C12orf75: variants seen among roughly 807,000 people sequenced by gnomAD.
C12orf75 encodes the protein chromosome 12 open reading frame 75, also known as overexpressed in colon carcinoma 1 protein.
In C12orf75, 4 loss-of-function variants were observed where a neutral mutation model predicts 11.4. The observed-to-expected ratio is 0.35, with a 90% CI of 0.17 to 0.80. The LOEUF is 0.80. C12orf75 is among the 30% of genes least tolerant of loss of function. The probability of loss-of-function intolerance (pLI) is 0.52; values close to 1 mark genes in which losing one functional copy is unlikely to be tolerated. For synonymous variants in C12orf75, 30 were observed against 30.0 expected (o/e 1.00, Z 0.00); for missense variants, 89 against 80.4 (o/e 1.11, Z -0.41).
At chr12:105,333,875 C>A (rs1050717095) in intron 1 of C12orf75, among the ~76,000 whole-genome samples, 1 of 152,160 alleles carries the variant, frequency 6.6e-6, no homozygotes, top group Non-Finnish European at 1.5e-5. Context: ...TTACAATACC[C>A]CTAAATCTGA....
chr12:105,361,224 G>A (rs1348866709), intron 2 of C12orf75, among the ~76,000 whole-genome samples: 3 of 152,126 alleles, frequency 2.0e-5, no homozygotes, highest in Non-Finnish European at 4.4e-5. Flanking sequence ...GTTCTTAGTA[G>A]AGATAAGATC....
At chr12:105,354,214 A>G (rs1456066183) in intron 2 of C12orf75, among the ~76,000 whole-genome samples, 2 of 152,246 alleles carry the variant, frequency 1.3e-5, no homozygotes, top group Non-Finnish European at 2.9e-5. Flanking sequence ...ACTTGTGTTT[A>G]AAATCCCCTT....
intron 1 of C12orf75, among the ~76,000 whole-genome samples, chr12:105,338,983 G>A (rs1892532327): frequency 6.6e-6 from 1 of 152,154 alleles, no homozygotes; most frequent in African/African-American, 2.4e-5. Flanking sequence ...ATAATTTTAT[G>A]TCAATATATA....
chr12:105,337,600 C>T (rs1031909364), intron 1 of C12orf75, among the ~76,000 whole-genome samples: 1 of 152,118 alleles, frequency 6.6e-6, no homozygotes, highest in Non-Finnish European at 1.5e-5. Context: ...CAGGTGGCAT[C>T]TCTTGATCTA....
rs112299200 is a variant in C12orf75, at chr12:105,338,474, A to AT, written c.46+7543dup. Among the ~76,000 whole-genome samples the AT allele has an allele frequency of 7.0e-4, 106 of 152,162 alleles. 1 individual carries two copies. The highest frequency in any genetic ancestry group is 2.4e-3 in the African/African-American group (101 of 41,522). On this transcript the variant is annotated intron_variant, in intron 1 of 5. Coordinates refer to ENST00000443585, the MANE Select transcript of C12orf75 (RefSeq NM_001145199.2). Reference sequence around the variant, plus strand: ...CAGGTGTGAGCCACTGCGCCTGGCCATTTTTTGGTTTTTACTTGCCTAAAG... The same window carrying AT: ...CAGGTGTGAGCCACTGCGCCTGGCCATTTTTTTGGTTTTTACTTGCCTAAAG...
chr12:105,365,972 A>AG, intron 3 of C12orf75, 130 bp downstream of exon 3: 1 of 726,532 alleles, frequency 1.4e-6, no homozygotes, highest in East Asian at 2.7e-5. Context: ...GAATACAGGT[A>AG]GGGGCATATG....
chr12:105,334,622 T>C (rs772496069), intron 1 of C12orf75, among the ~76,000 whole-genome samples: 2 of 152,234 alleles, frequency 1.3e-5, no homozygotes, highest in Non-Finnish European at 2.9e-5. Flanking sequence ...CCCCAAATTA[T>C]GGAGAAACAT....
At chr12:105,370,132 C>T (rs1425232893) in intron 5 of C12orf75, among the ~76,000 whole-genome samples, 1 of 152,168 alleles carries the variant, frequency 6.6e-6, no homozygotes, top group African/African-American at 2.4e-5. Flanking sequence ...CTGCAGATGA[C>T]CCTAGGCTGA....
At chr12:105,336,510 T>C (rs765420476) in intron 1 of C12orf75, among the ~76,000 whole-genome samples, 1 of 152,192 alleles carries the variant, frequency 6.6e-6, no homozygotes, top group Non-Finnish European at 1.5e-5. Context: ...GTTATCAGTA[T>C]AGGGAAAGAC....
chr12:105,348,369 T>G (rs1892665098), intron 1 of C12orf75, among the ~76,000 whole-genome samples: 1 of 150,754 alleles, frequency 6.6e-6, no homozygotes, highest in African/African-American at 2.5e-5. Context: ...GAGCCGAGAT[T>G]GCATCACTGC....
At chr12:105,364,371 T>C (rs1871396748) in intron 2 of C12orf75, among the ~76,000 whole-genome samples, 1 of 152,224 alleles carries the variant, frequency 6.6e-6, no homozygotes, top group South Asian at 2.1e-4. Flanking sequence ...GATAACCATC[T>C]AGTGAATTTA....
chr12:105,365,688 G>C, intron 2 of C12orf75, 119 bp from the exon 3 acceptor site: 1 of 725,344 alleles, frequency 1.4e-6, no homozygotes, highest in Non-Finnish European at 2.5e-6. Flanking sequence ...ACTTAAGTCT[G>C]ATGGAAACAT....
intron 2 of C12orf75, among the ~76,000 whole-genome samples, chr12:105,359,773 G>GAAAAA (rs34188320): frequency 1.2e-5 from 1 of 83,242 alleles, no homozygotes; most frequent in Non-Finnish European, 2.4e-5. Flanking sequence ...TCCTTCTCCA[G>GAAAAA]AAAAAAAAAA....
intron 2 of C12orf75, among the ~76,000 whole-genome samples, chr12:105,358,118 G>A (rs1892811449): frequency 6.6e-6 from 1 of 152,128 alleles, no homozygotes; most frequent in African/African-American, 2.4e-5. Context: ...GAATTGCTGA[G>A]ATTACAGATG....
intron 1 of C12orf75, among the ~76,000 whole-genome samples, chr12:105,342,600 C>T (rs1892588748): frequency 6.6e-6 from 1 of 152,218 alleles, no homozygotes; most frequent in South Asian, 2.1e-4. Context: ...AATCTCCAGC[C>T]TCTCTCCTCT....
chr12:105,331,303 A>C (rs555624352), intron 1 of C12orf75, among the ~76,000 whole-genome samples: 1 of 151,590 alleles, frequency 6.6e-6, no homozygotes, highest in South Asian at 2.1e-4. Flanking sequence ...TTGCTCCTCC[A>C]GGCCTCTCCC....
At chr12:105,361,850 A>G (rs1248279993) in intron 2 of C12orf75, among the ~76,000 whole-genome samples, 2 of 152,222 alleles carry the variant, frequency 1.3e-5, no homozygotes, top group South Asian at 2.1e-4. Context: ...GTTTAGACCA[A>G]CCACCGCTTT....
At chr12:105,347,906 C>T (rs1048385397) in intron 1 of C12orf75, among the ~76,000 whole-genome samples, 6 of 152,076 alleles carry the variant, frequency 3.9e-5, no homozygotes, top group Non-Finnish European at 8.8e-5. Flanking sequence ...CTTAACCTGC[C>T]GTGCAGACAC....
chr12:105,333,034 G>A (rs1456890428), intron 1 of C12orf75, among the ~76,000 whole-genome samples: 1 of 152,058 alleles, frequency 6.6e-6, no homozygotes, highest in African/African-American at 2.4e-5. Context: ...CCAGCTTGCT[G>A]TTTGCCAAAA....
Sources: gnomAD v4.1 joint callset for allele counts (sites outside exome capture counted in the v4.1 genomes callset) on GRCh38, gnomAD v4.1.1 for gene constraint, MANE v1.5 for transcripts, NCBI Gene and HGNC (gene_info 2026-07-23, HGNC 2026-07-21) for gene names.